Variants in ST6GAL2 observed in about 807,000 individuals in gnomAD.
ST6GAL2 encodes beta-galactoside alpha-2,6-sialyltransferase 2.
Under a neutral mutation model 37.5 loss-of-function variants are expected in ST6GAL2, and 24 were observed. The ratio of observed to expected loss-of-function variants is 0.64; its 90% CI spans 0.46 to 0.90. The LOEUF is 0.90. Ranked by LOEUF, ST6GAL2 falls within the 40% of genes least tolerant of loss-of-function variation. The pLI, the probability that ST6GAL2 is intolerant of heterozygous loss-of-function variation, is 0.00. For missense variants in ST6GAL2, 715 were observed against 712.7 expected (o/e 1.00, Z -0.04); for synonymous variants, 306 against 295.1 (o/e 1.04, Z -0.38).
intron 2 of ST6GAL2, among the ~76,000 whole-genome samples, chr2:106,841,012 A>T (rs1362522115): frequency 1.3e-5 from 2 of 152,250 alleles, no homozygotes; most frequent in African/African-American, 4.8e-5. Flanking sequence ...AATAAATTGC[A>T]GGCTGCTCTG....
At chr2:106,853,999 G>A (rs780715124) in intron 1 of ST6GAL2, among the ~76,000 whole-genome samples, 1 of 152,200 alleles carries the variant, frequency 6.6e-6, no homozygotes, top group Non-Finnish European at 1.5e-5. Context: ...CATGACTGGA[G>A]CTGTAAATTC....
intron 1 of ST6GAL2, among the ~76,000 whole-genome samples, chr2:106,862,554 GCTCTCTCA>G (rs1315062109): frequency 6.6e-6 from 1 of 151,990 alleles, no homozygotes; most frequent in Non-Finnish European, 1.5e-5. Context: ...AAATGTTCTG[GCTCTCTCA>G]GAATGTAAAG....
At chr2:106,875,530 C>T (rs1470531027) in intron 1 of ST6GAL2, among the ~76,000 whole-genome samples, 1 of 152,168 alleles carries the variant, frequency 6.6e-6, no homozygotes, top group Non-Finnish European at 1.5e-5. Context: ...GTATCATGGA[C>T]ACATCTCTCA....
intron 2 of ST6GAL2, among the ~76,000 whole-genome samples, chr2:106,836,039 A>C (rs1451198897): frequency 2.0e-5 from 3 of 152,166 alleles, no homozygotes; most frequent in Non-Finnish European, 2.9e-5. Context: ...AGGCAGATGG[A>C]ATATATCTAC....
At chr2:106,821,379 T>TA (rs1255395111) in intron 5 of ST6GAL2, among the ~76,000 whole-genome samples, 13 of 150,550 alleles carry the variant, frequency 8.6e-5, no homozygotes, top group African/African-American at 3.2e-4. Flanking sequence ...ATATATTAAA[T>TA]TGTATATATA....
chr2:106,816,017 T>A (rs1423212589), intron 5 of ST6GAL2, among the ~76,000 whole-genome samples: 2 of 152,198 alleles, frequency 1.3e-5, no homozygotes, highest in Admixed American at 1.3e-4. Flanking sequence ...AAAATCTGGA[T>A]GTGCTCAAGA....
chr2:106,855,320 C>G (rs1677530818), intron 1 of ST6GAL2, among the ~76,000 whole-genome samples: 1 of 152,202 alleles, frequency 6.6e-6, no homozygotes, highest in Non-Finnish European at 1.5e-5. Context: ...ATTTGTTTCT[C>G]TCTTTGGAAA....
At chr2:106,832,016 C>A (rs907597879) in intron 4 of ST6GAL2, among the ~76,000 whole-genome samples, 1 of 152,172 alleles carries the variant, frequency 6.6e-6, no homozygotes, top group Admixed American at 6.5e-5. Context: ...CCAAATATAA[C>A]CTGTTTGTGT....
intron 1 of ST6GAL2, among the ~76,000 whole-genome samples, chr2:106,879,695 T>C (rs915424731): frequency 6.8e-6 from 1 of 147,984 alleles, no homozygotes; most frequent in Admixed American, 6.8e-5. Flanking sequence ...ACCAATTATA[T>C]ATTATTATAT....
Position 106,883,965 on chromosome 2 carries a change from AG to A in ST6GAL2, c.-58+2127del, listed in dbSNP as rs370745689. Among the ~76,000 whole-genome samples the A allele has an allele frequency of 2.2e-4, 34 of 152,348 alleles. No individual in the cohort carries two copies. In the South Asian group the frequency reaches 6.0e-3, roughly 27 times the overall value. ...TATTTACCTAAGAAGGAGTGGCAGAAGCCTAGAAATCAGTTTGTCTTTCAGA... is the reference window on the plus strand; with the variant it reads ...TATTTACCTAAGAAGGAGTGGCAGAACCTAGAAATCAGTTTGTCTTTCAGA... On this transcript the variant is annotated intron_variant, in intron 1 of 5. Transcript: ENST00000409382.
intron 2 of ST6GAL2, chr2:106,835,107 G>A (rs891995382): frequency 5.9e-5 from 9 of 152,206 alleles, no homozygotes; most frequent in African/African-American, 1.9e-4. Context: ...ACATACATGC[G>A]TCTTGAAATT....
rs111734264 is a variant in ST6GAL2, at chr2:106,850,913, G to A, written c.-57-6879C>T. Among the ~76,000 whole-genome samples the A allele has an allele frequency of 9.8e-3, 1,498 of 152,246 alleles. 19 individuals carry two copies. The highest frequency in any genetic ancestry group is 0.02 in the Middle Eastern group (6 of 294). ...ATAAATGACATCGGGGGATATAAGA[G>A]GCCCACCAGGCAAATCATCTGTCCC... On this transcript the variant is annotated intron_variant, in intron 1 of 5. Transcript: ENST00000409382.
chr2:106,807,824 T>C (rs11895281), intron 5 of ST6GAL2, among the ~76,000 whole-genome samples: 75,905 of 151,690 alleles, frequency 0.5, 19,666 homozygotes, highest in East Asian at 0.86. Context: ...CAGGGTTTCA[T>C]TGTGTTAGCC....
At chr2:106,863,546 T>C (rs11124139) in intron 1 of ST6GAL2, among the ~76,000 whole-genome samples, 104,608 of 151,928 alleles carry the variant, frequency 0.69, 36,393 homozygotes, top group Non-Finnish European at 0.75. Context: ...GAGCAGACCA[T>C]GATGAAGTGG....
intron 5 of ST6GAL2, among the ~76,000 whole-genome samples, chr2:106,824,120 C>T (rs948533228): frequency 6.6e-6 from 1 of 152,130 alleles, no homozygotes; most frequent in Non-Finnish European, 1.5e-5. Context: ...ACTTATACCC[C>T]ACTAATCAGT....
chr2:106,861,732 GC>G (rs976926656), intron 1 of ST6GAL2, among the ~76,000 whole-genome samples: 12 of 151,748 alleles, frequency 7.9e-5, no homozygotes, highest in African/African-American at 2.7e-4. Flanking sequence ...CCAGGTTCAA[GC>G]GATTCTCCCA....
intron 4 of ST6GAL2, among the ~76,000 whole-genome samples, chr2:106,830,761 A>G (rs535668391): frequency 5.3e-5 from 8 of 152,366 alleles, no homozygotes; most frequent in African/African-American, 1.9e-4. Context: ...CTACAGTAAC[A>G]GAAATTGTAT....
At chr2:106,848,638 T>C (rs1677238278) in intron 1 of ST6GAL2, among the ~76,000 whole-genome samples, 1 of 152,184 alleles carries the variant, frequency 6.6e-6, no homozygotes, top group Non-Finnish European at 1.5e-5. Flanking sequence ...AATATGACCT[T>C]GGTTTGACGA....
At chr2:106,809,203 G>A (rs1306987384) in intron 5 of ST6GAL2, among the ~76,000 whole-genome samples, 1 of 152,244 alleles carries the variant, frequency 6.6e-6, no homozygotes, top group African/African-American at 2.4e-5. Flanking sequence ...TCCTGGGCAT[G>A]ACATCTGCTC....
Sources: gnomAD v4.1 joint callset for allele counts (sites outside exome capture counted in the v4.1 genomes callset) on GRCh38, gnomAD v4.1.1 for gene constraint, MANE v1.5 for transcripts, NCBI Gene and HGNC (gene_info 2026-07-23, HGNC 2026-07-21) for gene names.